PHLPP1: variants seen among roughly 807,000 people sequenced by gnomAD.
PHLPP1 encodes PH domain leucine-rich repeat-containing protein phosphatase 1.
Under a neutral mutation model 117.2 loss-of-function variants are expected in PHLPP1, and 42 were observed. That is an observed-to-expected ratio of 0.36 (90% CI 0.28 to 0.46). The LOEUF is 0.46. Ranked by LOEUF, PHLPP1 falls within the 20% of genes least tolerant of loss-of-function variation. The probability of loss-of-function intolerance (pLI) is 1.00; values close to 1 mark genes in which losing one functional copy is unlikely to be tolerated. For synonymous variants in PHLPP1, 1,042 were observed against 970.7 expected, an observed-to-expected ratio of 1.07 and a Z score of -1.37; for missense variants, 2,084 against 2,241.9, an observed-to-expected ratio of 0.93 and a Z score of 1.42.
In PHLPP1 at chr18:62,865,627, A is replaced by G. The variant is rs144705125; in HGVS notation, c.2066+5026A>G. On this transcript the variant is annotated intron_variant, in intron 4 of 16. Coordinates refer to ENST00000262719, the MANE Select transcript of PHLPP1 (RefSeq NM_194449.4). ...TGGTGCATTAGAATTCATCCAGACT[A>G]TCAACCCAAATGCCCATCAATGATA... Among the ~76,000 whole-genome samples the G allele has an allele frequency of 1.2e-3, 178 of 152,348 alleles. 2 individuals carry two copies. Among genetic ancestry groups the G allele is most frequent in the African/African-American group, 4.0e-3 (168 of 41,578 alleles).
intron 1 of PHLPP1, chr18:62,826,203 G>A: frequency 2.9e-6 from 1 of 350,702 alleles, no homozygotes; most frequent in South Asian, 2.3e-5. Flanking sequence ...TATTTTTAAG[G>A]TAGCTTTATA....
At chr18:62,938,687 C>G (rs956412487) in intron 10 of PHLPP1, among the ~76,000 whole-genome samples, 3 of 152,082 alleles carry the variant, frequency 2.0e-5, no homozygotes, top group African/African-American at 7.2e-5. Context: ...TGGCAGTTTC[C>G]CCCTTAATTT....
intron 1 of PHLPP1, among the ~76,000 whole-genome samples, chr18:62,777,954 G>C (rs1273287872): frequency 1.3e-5 from 2 of 152,134 alleles, no homozygotes; most frequent in African/African-American, 4.8e-5. Context: ...CTACCCTGCT[G>C]AAAAATCCTC....
chr18:62,865,624 A>G (rs1295418482), intron 4 of PHLPP1, among the ~76,000 whole-genome samples: 1 of 152,224 alleles, frequency 6.6e-6, no homozygotes, highest in African/African-American at 2.4e-5. Flanking sequence ...ATTCATCCAG[A>G]CTATCAACCC....
At chr18:62,816,130 AT>A in intron 1 of PHLPP1, among the ~76,000 whole-genome samples, 1 of 152,204 alleles carries the variant, frequency 6.6e-6, no homozygotes, top group East Asian at 1.9e-4. Context: ...CTTTACATAC[AT>A]TTTTGTGAAT....
intron 3 of PHLPP1, among the ~76,000 whole-genome samples, chr18:62,840,573 T>C (rs569461169): frequency 6.6e-6 from 1 of 152,336 alleles, no homozygotes; most frequent in East Asian, 1.9e-4. Flanking sequence ...TCAAAGTGGT[T>C]TTATGGGTTG....
chr18:62,837,597 A>C (rs139734254), intron 2 of PHLPP1: 6 of 151,586 alleles, frequency 4.0e-5, no homozygotes, highest in Admixed American at 3.9e-4. Flanking sequence ...CATTTCACCA[A>C]TTGCTAGTTT....
intron 10 of PHLPP1, among the ~76,000 whole-genome samples, chr18:62,924,969 T>C (rs1039120263): frequency 2.0e-5 from 3 of 152,008 alleles, no homozygotes; most frequent in African/African-American, 2.4e-5. Context: ...CTTTTAGTTA[T>C]CTTCATCTTC....
chr18:62,891,862 C>T (rs1327687013), intron 4 of PHLPP1, among the ~76,000 whole-genome samples: 11 of 125,892 alleles, frequency 8.7e-5, no homozygotes, highest in African/African-American at 2.7e-4. Flanking sequence ...CACTGCATTC[C>T]AGCCTTGTCG....
At position 62,958,640 on chromosome 18, in the gene PHLPP1, G is replaced by C; in HGVS notation, c.3336G>C (p.Leu1112=). 2.5e-6 allele frequency: 4 copies of C among 1,613,842 alleles called. No individual in the cohort carries two copies. The highest frequency in any genetic ancestry group is 3.4e-6 in the Non-Finnish European group (4 of 1,179,836). The change falls in exon 13 of 17, where the codon CTG becomes CTC. Residue 1112 remains leucine, a synonymous_variant. Transcript: ENST00000262719. The part of the protein sequence containing the change: ...MQLPEIKCVD[L]SCNELSEVTL... ...TGTTCTTTTTTCAGTGTGTGGACCTGAGCTGTAATGAGCTAAGTGAAGTCA... is the reference window on the plus strand; with the variant it reads ...TGTTCTTTTTTCAGTGTGTGGACCTCAGCTGTAATGAGCTAAGTGAAGTCA...
At position 62,871,644 on chromosome 18, in the gene PHLPP1, ATTTTTTTT is replaced by A. The variant is rs71160879; in HGVS notation, c.2066+11059_2066+11066del. On this transcript the variant is annotated intron_variant, in intron 4 of 16. Transcript: ENST00000262719. ...CGCCTGGCCAAATTTAGCTCTGAAA[ATTTTTTTT>A]TTTTTTTTTTTTTTTACAGTCTTGG... Among the ~76,000 whole-genome samples the A allele has an allele frequency of 6.4e-5, 7 of 108,624 alleles. No homozygotes were observed. In the South Asian group the frequency reaches 8.6e-4, roughly 13 times the overall value. 71.3% of individuals were successfully genotyped at this position (108,624 alleles called of 152,430 possible). A position where few individuals can be genotyped will look rare whatever the true frequency, so the allele number is the denominator to read the frequency against.
intron 10 of PHLPP1, among the ~76,000 whole-genome samples, chr18:62,925,165 A>C (rs1482972669): frequency 6.6e-6 from 1 of 152,128 alleles, no homozygotes; most frequent in Non-Finnish European, 1.5e-5. Flanking sequence ...GGAGTGGATG[A>C]GACATTGCCA....
intron 14 of PHLPP1, among the ~76,000 whole-genome samples, chr18:62,972,039 A>AAAAAAT (rs1029060077): frequency 1.6e-4 from 24 of 152,338 alleles, no homozygotes; most frequent in African/African-American, 5.5e-4. Flanking sequence ...CTGTCTCAAA[A>AAAAAAT]AAAAATAAAA....
chr18:62,874,685 ACACACACTCT>A (rs1383983976), intron 4 of PHLPP1, among the ~76,000 whole-genome samples: 8 of 142,520 alleles, frequency 5.6e-5, no homozygotes, highest in African/African-American at 2.1e-4. Context: ...ACACACACAC[ACACACACTCT>A]CGCTCTCTGT....
intron 9 of PHLPP1, among the ~76,000 whole-genome samples, chr18:62,918,440 A>ATATATATATG (rs1909367346): frequency 6.7e-6 from 1 of 149,872 alleles, no homozygotes. Context: ...ATATATATAT[A>ATATATATATG]TATATATGAT....
intron 14 of PHLPP1, among the ~76,000 whole-genome samples, chr18:62,967,406 G>A (rs529354376): frequency 1.3e-5 from 2 of 152,254 alleles, no homozygotes; most frequent in Admixed American, 6.5e-5. Context: ...TTACCAGCAG[G>A]TGTTATTGTC....
At chr18:62,721,939 A>G (rs768182693) in intron 1 of PHLPP1, among the ~76,000 whole-genome samples, 12 of 152,190 alleles carry the variant, frequency 7.9e-5, no homozygotes, top group Non-Finnish European at 1.5e-4. Context: ...ATTGTATGTG[A>G]TCTAAGCCTA....
chr18:62,973,914 A>C (rs971950264), intron 15 of PHLPP1, among the ~76,000 whole-genome samples: 1 of 152,228 alleles, frequency 6.6e-6, no homozygotes, highest in African/African-American at 2.4e-5. Context: ...ACCTGACCTC[A>C]GGTTGTGAGA....
Position 62,816,039 on chromosome 18 carries a change from A to C in PHLPP1, c.1577-13996A>C, listed in dbSNP as rs1303729269. On this transcript the variant is annotated intron_variant, in intron 1 of 16. Coordinates refer to ENST00000262719, the MANE Select transcript of PHLPP1 (RefSeq NM_194449.4). ...TATAATTGCATTATAGATGCATTCT[A>C]CTTTAACCAGTTTCCTTTTGTTGAA... Among the ~76,000 whole-genome samples the C allele has an allele frequency of 2.6e-5, 4 of 152,302 alleles. No individual in the cohort carries two copies. The East Asian group carries it at 7.7e-4, about 29-fold the overall frequency.
Sources: gnomAD v4.1 joint callset for allele counts (sites outside exome capture counted in the v4.1 genomes callset) on GRCh38, gnomAD v4.1.1 for gene constraint, MANE v1.5 for transcripts, NCBI Gene and HGNC (gene_info 2026-07-23, HGNC 2026-07-21) for gene names.